Variants in SLC4A2 observed in about 807,000 individuals in gnomAD.
The protein encoded by SLC4A2 is anion exchange protein 2.
A neutral mutation model predicts 115.0 loss-of-function variants in SLC4A2; 36 were observed. The ratio of observed to expected loss-of-function variants is 0.31; its 90% CI spans 0.24 to 0.41. The LOEUF (loss-of-function observed/expected upper bound fraction) is 0.41, where lower values mean the gene tolerates loss of function less well. SLC4A2 is among the 10% of genes least tolerant of loss of function. SLC4A2 has a pLI of 1.00. For missense variants in SLC4A2, 1,252 were observed against 1,705.6 expected, an observed-to-expected ratio of 0.73 and a Z score of 4.68; for synonymous variants, 708 against 708.3, an observed-to-expected ratio of 1.00 and a Z score of 0.01.
At chr7:151,061,039 CCA>C (rs1378896143) in intron 1 of SLC4A2, among the ~76,000 whole-genome samples, 1 of 152,066 alleles carries the variant, frequency 6.6e-6, no homozygotes, top group Non-Finnish European at 1.5e-5. Flanking sequence ...TCTGCCCCCA[CCA>C]CACAGTGTCC....
Position 151,070,062 on chromosome 7 carries a change from G to T in SLC4A2, c.1263G>T (p.Arg421=). 1.2e-6 allele frequency: 2 copies of T among 1,614,100 alleles called. No homozygotes were observed. Among genetic ancestry groups the T allele is most frequent in the Non-Finnish European group, 1.7e-6 (2 of 1,179,956 alleles). ...IKAEDRANVL[R]ALLLKHSHPS... ...CCGAGGACAGGGCCAACGTGCTGCG[G>T]GCTCTGCTGTTGAAACACAGGTGAG... The change falls in exon 9 of 23, where the codon CGG becomes CGT. Residue 421 remains arginine (R), a synonymous_variant. Coordinates refer to ENST00000413384, the MANE Select transcript of SLC4A2 (RefSeq NM_003040.4).
chr7:151,063,761 C>T (rs1237831125), intron 2 of SLC4A2, among the ~76,000 whole-genome samples: 1 of 152,050 alleles, frequency 6.6e-6, no homozygotes, highest in Non-Finnish European at 1.5e-5. Flanking sequence ...CGGAGTCTCA[C>T]TCTGTCACCC....
chr7:151,075,930 C>T, intron 21 of SLC4A2, 83 bp from the exon 22 acceptor site: 1 of 1,482,302 alleles, frequency 6.7e-7, no homozygotes, highest in Non-Finnish European at 9.1e-7. Flanking sequence ...AATGTTCTTC[C>T]ATCCCCGCCT....
intron 21 of SLC4A2, 71 bp from the exon 22 acceptor site, chr7:151,075,942 C>G (rs1269347122): frequency 2.0e-6 from 3 of 1,503,130 alleles, no homozygotes; most frequent in Admixed American, 2.1e-5. Flanking sequence ...TCCCCGCCTC[C>G]GAAGAAGAGA....
intron 2 of SLC4A2, 82 bp from the exon 3 acceptor site, chr7:151,064,120 C>G: frequency 6.9e-7 from 1 of 1,456,868 alleles, no homozygotes; most frequent in East Asian, 2.3e-5. Context: ...GTTCCTGGGT[C>G]TCTGGCACTG....
chr7:151,065,105 A>T, intron 5 of SLC4A2, 139 bp downstream of exon 5: 2 of 680,868 alleles, frequency 2.9e-6, no homozygotes, highest in South Asian at 1.8e-5. Flanking sequence ...TGGCTGGGCA[A>T]GTAACTTAAT....
chr7:151,062,893 C>T, intron 2 of SLC4A2: 10 of 1,393,666 alleles, frequency 7.2e-6, no homozygotes, highest in Non-Finnish European at 8.3e-6. Context: ...CCACCTCGCC[C>T]CTAAGACCCG....
In SLC4A2 at chr7:151,070,207, C is replaced by T. The variant is rs1458171316; in HGVS notation, c.1310C>T (p.Ser437Phe). 6.2e-7 allele frequency: 1 copy of T among 1,614,150 alleles called. No individual in the cohort carries two copies. Among genetic ancestry groups the T allele is most frequent in the Admixed American group, 1.7e-5 (1 of 60,026 alleles). Residue 437 changes from serine (S) to phenylalanine (F), a missense_variant, in exon 10 of 23, where the codon TCC becomes TTC. Physicochemically the swap from Ser to Phe is radical, Grantham distance 155. This residue lies in a region of SLC4A2 where 142 missense variants were observed against 153.5 expected (regional missense o/e 0.93). Transcript: ENST00000413384. ...CACCCAAGTGATGAGAAGGACTTCT[C>T]CTTCCCCCGCAACATCTCAGCTGGC... Reference protein sequence around the residue: ...HSHPSDEKDFSFPRNISAGSL... With the variant: ...HSHPSDEKDFFFPRNISAGSL...
intron 8 of SLC4A2, 62 bp downstream of exon 8, chr7:151,068,116 C>A: frequency 7.8e-7 from 1 of 1,283,014 alleles, no homozygotes. Context: ...CCACATGGCC[C>A]CAAATCTGTC....
chr7:151,062,919 C>T (rs1584981969), intron 2 of SLC4A2: 1 of 1,399,114 alleles, frequency 7.1e-7, no homozygotes, highest in Non-Finnish European at 9.2e-7. Context: ...CACCCCAGCC[C>T]TCCCCGCGCT....
rs1162009597 is a variant in SLC4A2, at chr7:151,074,903, A to G, written c.3047+62A>G. 8 of 1,484,352 alleles carry G rather than the reference A, an allele frequency of 5.4e-6. No homozygotes were observed. The Admixed American group carries it at 1.1e-4, about 21-fold the overall frequency. 91.9% of individuals were successfully genotyped at this position (1,484,352 alleles called of 1,614,324 possible). A position where few individuals can be genotyped will look rare whatever the true frequency, so the allele number is the denominator to read the frequency against. On this transcript the variant is annotated intron_variant, in intron 19 of 22. Coordinates refer to ENST00000413384, the MANE Select transcript of SLC4A2 (RefSeq NM_003040.4). The stretch of plus-strand genomic sequence containing the variant: ...AGCCCCAGGCCAGGCTGGGGAACTC[A>G]GCATGGAACCTCCAGCCACACTGGG...
At chr7:151,070,699 C>T (rs751961779) in intron 11 of SLC4A2, 28 bp from the exon 12 acceptor site, 11 of 1,610,642 alleles carry the variant, frequency 6.8e-6, no homozygotes, top group Non-Finnish European at 9.3e-6. Flanking sequence ...CTGCTCTGCT[C>T]TTGCCCACGA....
chr7:151,075,624 G>A lies in SLC4A2; in HGVS notation c.3320G>A (p.Gly1107Glu). 1.3e-6 allele frequency: 2 copies of A among 1,595,174 alleles called. No homozygotes were observed. Among genetic ancestry groups the A allele is most frequent in the Non-Finnish European group, 1.7e-6 (2 of 1,174,034 alleles). Residue 1107 changes from glycine to glutamate, a missense_variant, in exon 21 of 23, where the codon GGG (glycine) becomes GAG (glutamate). Physicochemically the swap from Gly to Glu is moderately conservative, Grantham distance 98. Transcript: ENST00000413384. Reference protein sequence around the residue: ...ALLVGLSIVIGDLLRQIPLAV... With the variant: ...ALLVGLSIVIEDLLRQIPLAV... ...CCCGTAGGCCTCTCCATAGTTATCGGGGATCTGCTCCGGCAGATCCCCCTG... is the reference window on the plus strand; with the variant it reads ...CCCGTAGGCCTCTCCATAGTTATCGAGGATCTGCTCCGGCAGATCCCCCTG...
chr7:151,059,582 G>A (rs1219912048), upstream of SLC4A2: 1 of 151,400 alleles, frequency 6.6e-6, no homozygotes, highest in Admixed American at 6.6e-5. This position sits in a 1 kb window ranked among gnomAD's most constrained non-coding sequence, Gnocchi z 5.8. Flanking sequence ...GGTGCGCCGG[G>A]GGGCGCGCAC....
At chr7:151,075,582 C>A in intron 20 of SLC4A2, 24 bp from the exon 21 acceptor site, 1 of 1,585,846 alleles carries the variant, frequency 6.3e-7, no homozygotes, top group Non-Finnish European at 8.6e-7. Context: ...CCGGGGCCAA[C>A]TCTTTCTCCT....
chr7:151,075,688 CT>C lies in SLC4A2; in HGVS notation c.3385del (p.Ser1129ProfsTer85). 2 of 1,612,298 alleles carry C rather than the reference CT, an allele frequency of 1.2e-6. No homozygotes were observed. The highest frequency in any genetic ancestry group is 1.7e-6 in the Non-Finnish European group (2 of 1,179,064). Reference sequence around the variant, plus strand: ...GAATTTTCCTGTACATGGGAGTCACCTCCCTTAACGGGATCCAGTTCTATGA... The same window carrying C: ...GAATTTTCCTGTACATGGGAGTCACCCCCTTAACGGGATCCAGTTCTATGA... ...FGIFLYMGVT[S>X]LNGIQFYERL... On this transcript the variant is annotated frameshift_variant, in exon 21 of 23. Transcript: ENST00000413384. LOFTEE classifies it high-confidence loss of function.
intron 16 of SLC4A2, among the ~76,000 whole-genome samples, chr7:151,073,190 C>T (rs1485176029): frequency 6.6e-6 from 1 of 152,194 alleles, no homozygotes; most frequent in African/African-American, 2.4e-5. Context: ...CTCAAGCAAT[C>T]CTCCTGCCTT....
At chr7:151,069,181 G>A (rs1430265855) in intron 8 of SLC4A2, among the ~76,000 whole-genome samples, 5 of 121,016 alleles carry the variant, frequency 4.1e-5, no homozygotes, top group South Asian at 2.7e-4. Flanking sequence ...CCTAGAAACC[G>A]GCTTTTAGAA....
At chr7:151,075,046 C>T (rs1797571872) in intron 19 of SLC4A2, 2 of 883,268 alleles carry the variant, frequency 2.3e-6, no homozygotes, top group Non-Finnish European at 3.6e-6. Flanking sequence ...GGCAGGCCAC[C>T]CTGGCAGTGC....
Sources: gnomAD v4.1 joint callset for allele counts (sites outside exome capture counted in the v4.1 genomes callset) on GRCh38, gnomAD v4.1.1 for gene constraint, gnomAD v4.1.1 regional missense constraint, Gnocchi (gnomAD v3.1) non-coding constraint, MANE v1.5 for transcripts, NCBI Gene and HGNC (gene_info 2026-07-23, HGNC 2026-07-21) for gene names.